The following RYR1 variants were observed in gnomAD, a reference collection of about 807,000 sequenced individuals.
RYR1 encodes the protein central core disease of muscle.
Under a neutral mutation model 583.5 loss-of-function variants are expected in RYR1, and 342 were observed. That is an observed-to-expected ratio of 0.59 (90% CI 0.54 to 0.64). The LOEUF is 0.64. RYR1 is among the 30% of genes least tolerant of loss of function. RYR1 has a pLI of 0.00. For missense variants in RYR1, 6,032 were observed against 6,917.2 expected (o/e 0.87, Z 4.54); for synonymous variants, 2,791 against 2,822.5 (o/e 0.99, Z 0.35).
chr19:38,514,511 C>T (rs1482297575), intron 63 of RYR1, among the ~76,000 whole-genome samples: 1 of 151,608 alleles, frequency 6.6e-6, no homozygotes, highest in African/African-American at 2.4e-5. Context: ...GAACTCCTGA[C>T]CTCAGGTGAT....
At position 38,578,150 on chromosome 19, in the gene RYR1, G is replaced by A; in HGVS notation, c.14310G>A (p.Met4770Ile). 6.2e-7 allele frequency: 1 copy of A among 1,613,410 alleles called. No individual in the cohort carries two copies. Among genetic ancestry groups the A allele is most frequent in the Non-Finnish European group, 8.5e-7 (1 of 1,179,634 alleles). Residue 4770 changes from methionine to isoleucine, a missense_variant, in exon 99 of 106, where the codon ATG becomes ATA. By Grantham distance (10) the Met-to-Ile change is conservative. Coordinates refer to ENST00000359596, the MANE Select transcript of RYR1 (RefSeq NM_000540.3). ...NPPPGLLTWL[M>I]SIDVKYQIWK... ...CCCACCCCCGCCCCCACAGGCTCAT[G>A]TCCATCGATGTCAAGTACCAGATCT...
At chr19:38,456,970 C>T (rs568843278) in intron 16 of RYR1, among the ~76,000 whole-genome samples, 9 of 133,060 alleles carry the variant, frequency 6.8e-5, no homozygotes, top group Non-Finnish European at 1.1e-4. Context: ...GATGTGAACC[C>T]GGGAGGCAGA....
intron 95 of RYR1, 141 bp from the exon 96 acceptor site, chr19:38,573,036 C>T (rs952589874): frequency 1.7e-5 from 24 of 1,396,272 alleles, no homozygotes; most frequent in Non-Finnish European, 1.9e-5. Flanking sequence ...CTGCCTGGGC[C>T]TCATTTCTAC....
At chr19:38,450,715 G>A (rs192902958) in intron 11 of RYR1, among the ~76,000 whole-genome samples, 7 of 152,092 alleles carry the variant, frequency 4.6e-5, no homozygotes, top group Admixed American at 2.6e-4. Flanking sequence ...TATTGTACAA[G>A]CGGGTCCTCT....
Position 38,433,850 on chromosome 19 carries a change from A to AGAC in RYR1, c.24_26dup (p.Asp8dup), listed in dbSNP as rs1568426053. The AGAC allele has an allele frequency of 1.2e-6, 2 of 1,613,024 alleles. No individual in the cohort carries two copies. The highest frequency in any genetic ancestry group is 1.7e-6 in the Non-Finnish European group (2 of 1,179,406). The stretch of plus-strand genomic sequence containing the variant: ...ACATCATGGGTGACGCAGAAGGCGA[A>AGAC]GACGAGGTCCAGTTCCTGCGGACGG... On this transcript the variant is annotated inframe_insertion, in exon 1 of 106. Transcript: ENST00000359596.
At chr19:38,525,249 C>A (rs1971414460) in intron 70 of RYR1, 83 bp from the exon 71 acceptor site, 2 of 1,548,418 alleles carry the variant, frequency 1.3e-6, no homozygotes, top group South Asian at 2.2e-5. Flanking sequence ...AGACTGGGGC[C>A]TGGGGTGTGG....
Position 38,561,059 on chromosome 19 carries a change from A to C in RYR1, c.12283-54A>C. The C allele has an allele frequency of 7.9e-7, 1 of 1,270,734 alleles. No individual in the cohort carries two copies. The highest frequency in any genetic ancestry group is 1.1e-6 in the Non-Finnish European group (1 of 906,478). The allele number at this position is 1,270,734 out of a possible 1,614,324, so 78.7% of individuals were successfully genotyped here. On this transcript the variant is annotated intron_variant, in intron 89 of 105. Transcript: ENST00000359596. This position sits in a 1 kb window ranked among gnomAD's most constrained non-coding sequence, Gnocchi z 4.8. ...TTGTCTTAAAAAAAAAAAAAAAAAG[A>C]GAGAGAATTGAGGCTCTCCAGGTCA...
chr19:38,521,831 T>G (rs911374077), intron 67 of RYR1, among the ~76,000 whole-genome samples: 1 of 150,822 alleles, frequency 6.6e-6, no homozygotes, highest in Non-Finnish European at 1.5e-5. Flanking sequence ...CTCAGCCTCC[T>G]GAGTAGCTGG....
chr19:38,556,455 C>G (rs1205141221), intron 89 of RYR1, among the ~76,000 whole-genome samples: 1 of 151,502 alleles, frequency 6.6e-6, no homozygotes, highest in African/African-American at 2.4e-5. Context: ...GTACTTCAAC[C>G]TGGGCAACTG....
chr19:38,536,133 C>T, intron 82 of RYR1, 63 bp downstream of exon 82: 1 of 1,406,748 alleles, frequency 7.1e-7, no homozygotes, highest in Non-Finnish European at 9.7e-7. Context: ...CCTCCCACCC[C>T]ACCCCCACCC....
At position 38,496,586 on chromosome 19, in the gene RYR1, TGGCACCCCGTCCA is replaced by T. The variant is rs2145587103; in HGVS notation, c.6796+49_6796+61del. Reference sequence around the variant, plus strand: ...GGGGCTGTCCCCCAGAACCCACTCCTGGCACCCCGTCCAGGCCTGCCCCACTTTCCACCAGCTC... The same window carrying T: ...GGGGCTGTCCCCCAGAACCCACTCCTGGCCTGCCCCACTTTCCACCAGCTC... On this transcript the variant is annotated intron_variant, in intron 41 of 105. Coordinates refer to ENST00000359596, the MANE Select transcript of RYR1 (RefSeq NM_000540.3). The surrounding 1 kb of genome is among the most constrained non-coding windows in gnomAD (Gnocchi z 4.8). 6.2e-7 allele frequency: 1 copy of T among 1,611,194 alleles called. No individual in the cohort carries two copies. The highest frequency in any genetic ancestry group is 8.5e-7 in the Non-Finnish European group (1 of 1,178,946).
rs1971598355 is a variant in RYR1, at chr19:38,528,759, C to G, written c.11034+64C>G. 26 of 1,543,358 alleles carry G rather than the reference C, an allele frequency of 1.7e-5. No individual in the cohort carries two copies. In the South Asian group the frequency reaches 2.8e-4, roughly 17 times the overall value. ...GGATAGGGCTGGGGCGGAGGCCACC[C>G]TTGGCACACCTCCAGGGGTCGGCCC... On this transcript the variant is annotated intron_variant, in intron 75 of 105. Coordinates refer to ENST00000359596, the MANE Select transcript of RYR1 (RefSeq NM_000540.3).
In RYR1 at chr19:38,548,300, G is replaced by A; in HGVS notation, c.12162G>A (p.Val4054=). 1.2e-6 allele frequency: 2 copies of A among 1,614,216 alleles called. No homozygotes were observed. The highest frequency in any genetic ancestry group is 1.7e-6 in the Non-Finnish European group (2 of 1,180,038). Residue 4054 remains valine, a synonymous_variant, in exon 89 of 106, where the codon GTG becomes GTA. Coordinates refer to ENST00000359596, the MANE Select transcript of RYR1 (RefSeq NM_000540.3). ...TGCTCGTGGAATCCTCATCCAATGT[G>A]GAGATGATCCTCAAGTTCTTCGACA... ...VDMLVESSSN[V]EMILKFFDMF... is the part of the protein sequence containing the mutation.
chr19:38,489,052 G>A (rs1969429460), intron 34 of RYR1, 125 bp from the exon 35 acceptor site: 1 of 863,714 alleles, frequency 1.2e-6, no homozygotes, highest in Non-Finnish European at 1.9e-6. Flanking sequence ...GCTGTGGGAG[G>A]AATCGGATCA....
chr19:38,463,074 T>C (rs1417450962), intron 20 of RYR1, among the ~76,000 whole-genome samples: 1 of 148,370 alleles, frequency 6.7e-6, no homozygotes, highest in Admixed American at 6.9e-5. Context: ...TTTTTTGTAT[T>C]TTTAGAAGAG....
chr19:38,468,048 T>TCATCCATC (rs753008033), intron 25 of RYR1, among the ~76,000 whole-genome samples: 22 of 67,696 alleles, frequency 3.2e-4, no homozygotes, highest in South Asian at 7.8e-4. Context: ...CATCCATCCA[T>TCATCCATC]CATCCATCCA....
intron 70 of RYR1, among the ~76,000 whole-genome samples, chr19:38,524,486 T>C (rs2145708859): frequency 6.6e-6 from 1 of 152,308 alleles, no homozygotes; most frequent in East Asian, 1.9e-4. Context: ...GCTGCATGTG[T>C]GGCCTGCAGC....
chr19:38,443,514 G>C (rs1251508531), intron 3 of RYR1, 44 bp from the exon 4 acceptor site: 6 of 1,570,554 alleles, frequency 3.8e-6, no homozygotes, highest in South Asian at 1.1e-5. Context: ...GATCTGGAGA[G>C]TCCGGGGATC....
chr19:38,578,087 A>G (rs768183031), intron 98 of RYR1, 39 bp downstream of exon 98: 18 of 1,613,520 alleles, frequency 1.1e-5, no homozygotes, highest in Non-Finnish European at 1.4e-5. Context: ...TGGGGCATGC[A>G]GGGGAGGTGA....
Sources: gnomAD v4.1 joint callset for allele counts (sites outside exome capture counted in the v4.1 genomes callset) on GRCh38, gnomAD v4.1.1 for gene constraint, Gnocchi (gnomAD v3.1) non-coding constraint, MANE v1.5 for transcripts, NCBI Gene and HGNC (gene_info 2026-07-23, HGNC 2026-07-21) for gene names.